Variants in ERMP1 observed in about 807,000 individuals in gnomAD.
ERMP1 encodes endoplasmic reticulum metallopeptidase 1.
Under a neutral mutation model 92.0 loss-of-function variants are expected in ERMP1, and 86 were observed. That is an observed-to-expected ratio of 0.93 (90% CI 0.79 to 1.12). The LOEUF (loss-of-function observed/expected upper bound fraction) is 1.12, where lower values mean the gene tolerates loss of function less well. Ranked by LOEUF, ERMP1 falls within the 50% of genes most tolerant of loss-of-function variation. The pLI, the probability that ERMP1 is intolerant of heterozygous loss-of-function variation, is 0.00. For synonymous variants in ERMP1, 530 were observed against 412.8 expected (o/e 1.28, Z -3.44); for missense variants, 1,342 against 1,116.3 (o/e 1.20, Z -2.88).
chr9:5,841,648 G>A (rs148349538), intron 6 of ERMP1, among the ~76,000 whole-genome samples: 17 of 152,280 alleles, frequency 1.1e-4, no homozygotes, highest in Admixed American at 4.6e-4. Flanking sequence ...ACATGCAGCT[G>A]GGCATGGTGG....
Position 5,830,787 on chromosome 9 carries a change from C to T in ERMP1, c.580G>A (p.Asp194Asn), listed in dbSNP as rs1829908868. The change falls in exon 2 of 15, where the codon GAT (aspartate) becomes AAT (asparagine). Residue 194 changes from aspartate (D) to asparagine (N), a missense_variant. Physicochemically the swap from Asp to Asn is conservative, Grantham distance 23. Transcript: ENST00000339450. ...GCCAAGACAGCATGCTGGGCTCCATCTCTGGGTTCCAGCTTTACCACAACA... is the reference window on the plus strand; with the variant it reads ...GCCAAGACAGCATGCTGGGCTCCATTTCTGGGTTCCAGCTTTACCACAACA... The part of the protein sequence containing the change: ...TNVVVKLEPR[D>N]GAQHAVLANC... 2 of 1,614,144 alleles carry T rather than the reference C, an allele frequency of 1.2e-6. No homozygotes were observed. Among genetic ancestry groups the T allele is most frequent in the East Asian group, 4.5e-5 (2 of 44,876 alleles).
intron 1 of ERMP1, chr9:5,832,390 G>C (rs1431457063): frequency 2.7e-6 from 1 of 374,788 alleles, no homozygotes; most frequent in Admixed American, 4.7e-5. Flanking sequence ...CCAGAATATG[G>C]GGAGACGACT....
chr9:5,850,369 C>T (rs1420320117), intron 6 of ERMP1, among the ~76,000 whole-genome samples: 2 of 138,766 alleles, frequency 1.4e-5, no homozygotes, highest in African/African-American at 2.8e-5. Context: ...CGCACCATTG[C>T]ACTCCAGCCT....
At chr9:5,852,014 T>A (rs145826687) in intron 6 of ERMP1, among the ~76,000 whole-genome samples, 2 of 152,246 alleles carry the variant, frequency 1.3e-5, no homozygotes, top group Non-Finnish European at 2.9e-5. Context: ...CATTTCAAAG[T>A]AAAAATGAAA....
chr9:5,820,975 A>C (rs532993896), intron 4 of ERMP1, among the ~76,000 whole-genome samples: 1 of 152,348 alleles, frequency 6.6e-6, no homozygotes, highest in South Asian at 2.1e-4. Context: ...TATGGAGTTT[A>C]GCCAAAATAA....
chr9:5,790,764 A>G (rs1235516073), intron 13 of ERMP1, among the ~76,000 whole-genome samples: 3 of 152,248 alleles, frequency 2.0e-5, no homozygotes. Flanking sequence ...ACCACTTTAT[A>G]AAGAAAACTA....
At chr9:5,863,870 T>A (rs568396824) in intron 5 of ERMP1, among the ~76,000 whole-genome samples, 2 of 152,222 alleles carry the variant, frequency 1.3e-5, no homozygotes, top group African/African-American at 4.8e-5. Flanking sequence ...TTTTCTGGTG[T>A]CAATAAATAT....
At chr9:5,855,214 C>G (rs1362875272) in intron 6 of ERMP1, among the ~76,000 whole-genome samples, 3 of 152,026 alleles carry the variant, frequency 2.0e-5, no homozygotes, top group Admixed American at 2.0e-4. Flanking sequence ...TCCTTTCCTC[C>G]TAGGATGTCT....
intron 3 of ERMP1, among the ~76,000 whole-genome samples, chr9:5,824,236 G>C (rs532075704): frequency 1.3e-5 from 2 of 152,124 alleles, no homozygotes; most frequent in African/African-American, 4.8e-5. Flanking sequence ...GACCATCAGC[G>C]GTGCCAAACA....
At chr9:5,790,872 A>G (rs778652993) in intron 13 of ERMP1, among the ~76,000 whole-genome samples, 1 of 152,240 alleles carries the variant, frequency 6.6e-6, no homozygotes, top group Non-Finnish European at 1.5e-5. Flanking sequence ...TTGTGGGGTG[A>G]TGGAAATGTT....
At chr9:5,845,203 TC>T (rs1830221296) in intron 6 of ERMP1, among the ~76,000 whole-genome samples, 2 of 152,032 alleles carry the variant, frequency 1.3e-5, no homozygotes, top group Non-Finnish European at 2.9e-5. Flanking sequence ...CATTGTTTCT[TC>T]TTAAAGTTTT....
At chr9:5,812,761 T>C in intron 5 of ERMP1, 128 bp downstream of exon 5, 1 of 1,016,300 alleles carries the variant, frequency 9.8e-7, no homozygotes, top group South Asian at 1.3e-5. Flanking sequence ...TTTTAGTGAG[T>C]CAATGTATAT....
In ERMP1 at chr9:5,849,892, C is replaced by A. The variant is rs182817286; in HGVS notation, n.3199+9576G>T. ...GCCAAAGGGCACTCTTCCACCCATG[C>A]CCCAAACTCACACATGCCTTATTGC... is the stretch of plus-strand genomic sequence containing the variant. On this transcript the variant is annotated intron_variant and non_coding_transcript_variant, in intron 6 of 6. Transcript: ENST00000690753. 1.1e-3 allele frequency among the ~76,000 whole-genome samples: 175 copies of A among 152,300 alleles called. 3 individuals carry two copies. Among genetic ancestry groups the A allele is most frequent in the Admixed American group, 8.9e-3 (136 of 15,292 alleles).
At chr9:5,801,042 A>T in intron 11 of ERMP1, 134 bp downstream of exon 11, 1 of 787,544 alleles carries the variant, frequency 1.3e-6, no homozygotes, top group Non-Finnish European at 2.0e-6. Flanking sequence ...TCACTGCCTT[A>T]CACACAAAAA....
intron 8 of ERMP1, among the ~76,000 whole-genome samples, chr9:5,809,008 A>C (rs1776009): frequency 6.6e-6 from 1 of 150,874 alleles, no homozygotes; most frequent in Non-Finnish European, 1.5e-5. Flanking sequence ...CATGAGCCAC[A>C]GCACCCAGCC....
intron 5 of ERMP1, among the ~76,000 whole-genome samples, chr9:5,861,037 G>A (rs549096702): frequency 6.6e-6 from 1 of 152,182 alleles, no homozygotes; most frequent in Admixed American, 6.5e-5. Flanking sequence ...TCTGTTCATT[G>A]TAATTTCCCA....
At chr9:5,865,475 T>G (rs1471413198) in intron 5 of ERMP1, among the ~76,000 whole-genome samples, 1 of 149,262 alleles carries the variant, frequency 6.7e-6, no homozygotes, top group Admixed American at 6.7e-5. Flanking sequence ...GCCACTGTGC[T>G]CCAGCCTGGG....
chr9:5,866,497 T>C (rs538835193), intron 5 of ERMP1, among the ~76,000 whole-genome samples: 1 of 152,104 alleles, frequency 6.6e-6, no homozygotes. Flanking sequence ...CAGCCCAGAA[T>C]TGGTAGCTCA....
intron 5 of ERMP1, among the ~76,000 whole-genome samples, chr9:5,865,523 T>A (rs1374593512): frequency 1.5e-4 from 19 of 130,428 alleles, no homozygotes; most frequent in Non-Finnish European, 2.6e-4. Flanking sequence ...ATAATAATAA[T>A]AATAATAATA....
Sources: allele counts gnomAD v4.1 joint callset (sites outside exome capture counted in the v4.1 genomes callset), GRCh38; gene constraint gnomAD v4.1.1; transcripts MANE v1.5; gene names NCBI Gene and HGNC (gene_info 2026-07-23, HGNC 2026-07-21).